MIS18BP1: variants seen among roughly 807,000 people sequenced by gnomAD.
MIS18BP1 encodes MIS18 binding protein 1.
MIS18BP1 carries 72 observed loss-of-function variants against 116.1 expected under a neutral mutation model. That is an observed-to-expected ratio of 0.62 (90% CI 0.51 to 0.75). MIS18BP1 has a LOEUF of 0.75. MIS18BP1 is among the 30% of genes least tolerant of loss of function. The probability of loss-of-function intolerance (pLI) is 0.00; values close to 1 mark genes in which losing one functional copy is unlikely to be tolerated. For synonymous variants in MIS18BP1, 386 were observed against 427.0 expected (o/e 0.90, Z 1.18); for missense variants, 1,363 against 1,303.2 (o/e 1.05, Z -0.71).
Position 45,247,075 on chromosome 14 carries a change from T to C in MIS18BP1, c.212A>G (p.Asn71Ser), listed in dbSNP as rs1277402105. 1.2e-6 allele frequency: 2 copies of C among 1,612,370 alleles called. No individual in the cohort carries two copies. Among genetic ancestry groups the C allele is most frequent in the East Asian group, 2.2e-5 (1 of 44,844 alleles). The part of the protein sequence containing the change: ...NQFLKMTTFN[N>S]KNIFQSTMLT... Reference sequence around the variant, plus strand: ...CATAGTTGATTGAAATATATTTTTATTGTTAAAAGTTGTCATTTTTAGGAA... The same window carrying C: ...CATAGTTGATTGAAATATATTTTTACTGTTAAAAGTTGTCATTTTTAGGAA... Residue 71 changes from asparagine to serine, a missense_variant, in exon 2 of 17, where the codon AAT becomes AGT. Physicochemically the swap from Asn to Ser is conservative, Grantham distance 46. Transcript: ENST00000310806.
intron 5 of MIS18BP1, among the ~76,000 whole-genome samples, chr14:45,237,409 C>G (rs1316362353): frequency 3.9e-5 from 6 of 152,010 alleles, no homozygotes; most frequent in Admixed American, 3.9e-4. Context: ...AAAAATAAAC[C>G]ACTATACAAA....
intron 2 of MIS18BP1, among the ~76,000 whole-genome samples, chr14:45,244,674 T>G (rs1891678426): frequency 1.3e-5 from 2 of 152,212 alleles, no homozygotes. Flanking sequence ...AAACAGCTCT[T>G]CTGTGTTACC....
At chr14:45,208,113 T>G (rs377284852) in intron 14 of MIS18BP1, among the ~76,000 whole-genome samples, 1 of 152,366 alleles carries the variant, frequency 6.6e-6, no homozygotes, top group East Asian at 1.9e-4. Flanking sequence ...TGAAAACTAC[T>G]ATCCACTGGA....
chr14:45,223,562 C>T lies in MIS18BP1; in HGVS notation c.2669+356G>A, dbSNP rs187530942. 5.8e-3 allele frequency among the ~76,000 whole-genome samples: 887 copies of T among 152,070 alleles called. 7 individuals are homozygous for T. The highest frequency in any genetic ancestry group is 0.02 in the African/African-American group (844 of 41,466). ...TTGCACTCCAGACGGGGCAGCAGGG[C>T]GAGACTCCGTCTCAATCAAAACAAA... On this transcript the variant is annotated intron_variant, in intron 11 of 16. Transcript: ENST00000310806.
Position 45,224,158 on chromosome 14 carries a change from G to A in MIS18BP1, c.2429C>T (p.Thr810Ile). ...TTCCAAAATCACTGGAATATTACTT[G>A]TGTTTCTTGTGCTCTTTCTCAGGTG... is the stretch of plus-strand genomic sequence containing the variant. Reference protein sequence around the residue: ...VVHLRKSTRNTSNIPVILEPE... With the variant: ...VVHLRKSTRNISNIPVILEPE... The change falls in exon 11 of 17, where the codon ACA becomes ATA. Residue 810 changes from threonine (T) to isoleucine (I), a missense_variant. By Grantham distance (89) the Thr-to-Ile change is moderately conservative. Coordinates refer to ENST00000310806, the MANE Select transcript of MIS18BP1 (RefSeq NM_018353.5). The A allele has an allele frequency of 6.2e-7, 1 of 1,613,902 alleles. No individual in the cohort carries two copies.
Position 45,235,857 on chromosome 14 carries a change from A to G in MIS18BP1, c.1305T>C (p.Tyr435=), listed in dbSNP as rs1891413440. The change falls in exon 6 of 17, where the codon TAT becomes TAC. Residue 435 remains tyrosine, a synonymous_variant. Transcript: ENST00000310806. ...NKLRTISGNV[Y]ILKGMIDQIS... ...TTTGGTCTATCATGCCTTTTAATAT[A>G]TAAACGTTGCCTGATATAGTCCTAA... is the stretch of plus-strand genomic sequence containing the variant. 1 of 1,610,624 alleles carries G rather than the reference A, an allele frequency of 6.2e-7. No homozygotes were observed. The highest frequency in any genetic ancestry group is 2.2e-5 in the East Asian group (1 of 44,732).
At chr14:45,214,257 C>T (rs374516565) in intron 13 of MIS18BP1, among the ~76,000 whole-genome samples, 82 of 152,276 alleles carry the variant, frequency 5.4e-4, no homozygotes, top group Middle Eastern at 6.8e-3. Context: ...GTGTAAAACC[C>T]GACTGTATGT....
chr14:45,218,562 G>T, intron 11 of MIS18BP1, 108 bp from the exon 12 acceptor site: 3 of 1,041,562 alleles, frequency 2.9e-6, no homozygotes, highest in Non-Finnish European at 4.0e-6. Context: ...GAAGGAATCA[G>T]TTTTATCAAA....
intron 14 of MIS18BP1, among the ~76,000 whole-genome samples, chr14:45,208,330 GT>G (rs1166566812): frequency 0.11 from 12,871 of 120,664 alleles, 243 homozygotes; most frequent in South Asian, 0.14. Flanking sequence ...GGATGAAGTT[GT>G]TTTTTTTTTT....
chr14:45,248,793 T>G (rs1334935842), intron 1 of MIS18BP1, among the ~76,000 whole-genome samples: 1 of 152,222 alleles, frequency 6.6e-6, no homozygotes, highest in African/African-American at 2.4e-5. Context: ...AAAACCACTA[T>G]AATTCTTTCA....
intron 11 of MIS18BP1, among the ~76,000 whole-genome samples, chr14:45,220,810 G>C (rs1295733509): frequency 6.6e-6 from 1 of 152,148 alleles, no homozygotes; most frequent in Non-Finnish European, 1.5e-5. Context: ...GGCCCATGCT[G>C]CAAATTTTGA....
At position 45,224,004 on chromosome 14, in the gene MIS18BP1, A is replaced by C. The variant is rs1891048040; in HGVS notation, c.2583T>G (p.Asp861Glu). 2 of 1,613,622 alleles carry C rather than the reference A, an allele frequency of 1.2e-6. No individual in the cohort carries two copies. The highest frequency in any genetic ancestry group is 1.7e-6 in the Non-Finnish European group (2 of 1,179,960). ...ATTCTAAGGGATGCCTATTTGTCTT[A>C]TCAGATCCTACTGCCTCAGTAATTG... is the stretch of plus-strand genomic sequence containing the variant. ...EFPITEAVGS[D>E]KTNRHPLECL... is the part of the protein sequence containing the mutation. Residue 861 changes from aspartate (D) to glutamate (E), a missense_variant, in exon 11 of 17, where the codon GAT becomes GAG. Asp to Glu is a conservative substitution (Grantham distance 45, BLOSUM62 2). Coordinates refer to ENST00000310806, the MANE Select transcript of MIS18BP1 (RefSeq NM_018353.5).
intron 13 of MIS18BP1, 149 bp downstream of exon 13, chr14:45,216,868 ATC>A: frequency 1.3e-6 from 1 of 782,420 alleles, no homozygotes; most frequent in Non-Finnish European, 2.0e-6. Flanking sequence ...AATGGCATAT[ATC>A]AGCACATTGT....
At chr14:45,241,717 G>GA (rs1566820012) in intron 4 of MIS18BP1, 4 of 211,730 alleles carry the variant, frequency 1.9e-5, no homozygotes, top group Non-Finnish European at 2.8e-5. Context: ...GTAAGTATCA[G>GA]AAAAAAAAGA....
At chr14:45,247,964 T>G in intron 1 of MIS18BP1, among the ~76,000 whole-genome samples, 1 of 152,108 alleles carries the variant, frequency 6.6e-6, no homozygotes, top group East Asian at 1.9e-4. Flanking sequence ...GTAAATTGTT[T>G]TCATTCTGAT....
intron 14 of MIS18BP1, among the ~76,000 whole-genome samples, chr14:45,209,191 CAA>C (rs1476071299): frequency 6.7e-6 from 1 of 149,284 alleles, no homozygotes; most frequent in Non-Finnish European, 1.5e-5. Context: ...CACACACACA[CAA>C]GTATATACAT....
rs997206878 is a variant in MIS18BP1, at chr14:45,203,239, G to A, written c.*870C>T. ...TTTGAATAATCTAAATAGAGAACAA[G>A]GGTAGGTGAATGTGTAGCCAGAGGG... On this transcript the variant is annotated 3_prime_UTR_variant, in exon 17 of 17. Coordinates refer to ENST00000310806, the MANE Select transcript of MIS18BP1 (RefSeq NM_018353.5). The A allele has an allele frequency of 6.6e-6, 1 of 152,016 alleles. No homozygotes were observed. Among genetic ancestry groups the A allele is most frequent in the Non-Finnish European group, 1.5e-5 (1 of 68,014 alleles). The allele number at this position is 152,016 out of a possible 1,614,324, so 9.4% of individuals were successfully genotyped here. A position where few individuals can be genotyped will look rare whatever the true frequency, so the allele number is the denominator to read the frequency against.
chr14:45,223,886 T>G (rs780789211), intron 11 of MIS18BP1, 32 bp downstream of exon 11: 4 of 1,467,750 alleles, frequency 2.7e-6, no homozygotes, highest in Non-Finnish European at 3.7e-6. Context: ...GGCTGCTCTG[T>G]AGATATTTCG....
rs1891052188 is a variant in MIS18BP1, at chr14:45,224,092, T to G, written c.2495A>C (p.Gln832Pro). ...TTTGACGGAAGGTCTAGCTTTCTTT[T>G]GTTTGATATAAAATTCATTTTCACT... ...EESENEFYIK[Q>P]KKARPSVKET... The change falls in exon 11 of 17, where the codon CAA becomes CCA. Residue 832 changes from glutamine (Q) to proline (P), a missense_variant. Transcript: ENST00000310806. 1.2e-6 allele frequency: 2 copies of G among 1,612,256 alleles called. No individual in the cohort carries two copies. The highest frequency in any genetic ancestry group is 1.3e-5 in the African/African-American group (1 of 74,700).
Sources: allele counts gnomAD v4.1 joint callset (sites outside exome capture counted in the v4.1 genomes callset), GRCh38; gene constraint gnomAD v4.1.1; transcripts MANE v1.5; gene names NCBI Gene and HGNC (gene_info 2026-07-23, HGNC 2026-07-21).